Variants in CEP95 observed in about 807,000 individuals in gnomAD.
CEP95 encodes the protein centrosomal protein of 95 kDa.
A neutral mutation model predicts 111.2 loss-of-function variants in CEP95; 98 were observed. That is an observed-to-expected ratio of 0.88 (90% CI 0.75 to 1.04). The LOEUF (loss-of-function observed/expected upper bound fraction) is 1.04, where lower values mean the gene tolerates loss of function less well. Among genes scored for constraint, CEP95 ranks in the 50% least tolerant of loss-of-function variants. The pLI is 0.00. For missense variants in CEP95, 1,027 were observed against 977.2 expected, an observed-to-expected ratio of 1.05 and a Z score of -0.68; for synonymous variants, 323 against 327.1, an observed-to-expected ratio of 0.99 and a Z score of 0.14.
chr17:64,533,068 T>C (rs782599101), intron 15 of CEP95, 49 bp from the exon 16 acceptor site: 1 of 1,605,076 alleles, frequency 6.2e-7, no homozygotes, highest in Non-Finnish European at 8.5e-7. Context: ...TCCTTAAGAA[T>C]TTAGTGAACA....
intron 4 of CEP95, among the ~76,000 whole-genome samples, chr17:64,516,361 C>G (rs908428523): frequency 6.6e-6 from 1 of 152,292 alleles, no homozygotes; most frequent in Middle Eastern, 3.4e-3. Context: ...GCATGATTAT[C>G]TTGGAGCTTG....
In CEP95 at chr17:64,522,718, G is replaced by C. The variant is rs1280158709; in HGVS notation, c.732G>C (p.Val244=). ...TCTTACTAGCGGAAACCCTTTCTGT[G>C]AGTGGGATTCCAAATGCTAGGAAGC... ...SFVEDTETLS[V]SGIPNARKLG... Residue 244 remains valine, a synonymous_variant, in exon 8 of 20, where the codon GTG becomes GTC. Coordinates refer to ENST00000556440, the MANE Select transcript of CEP95 (RefSeq NM_138363.3). 5 of 1,612,706 alleles carry C rather than the reference G, an allele frequency of 3.1e-6. No homozygotes were observed. Among genetic ancestry groups the C allele is most frequent in the Non-Finnish European group, 3.4e-6 (4 of 1,179,406 alleles).
At chr17:64,516,408 A>G (rs2039146992) in intron 4 of CEP95, among the ~76,000 whole-genome samples, 1 of 152,202 alleles carries the variant, frequency 6.6e-6, no homozygotes, top group African/African-American at 2.4e-5. Context: ...TGTCACCTTG[A>G]TATACCTCAG....
chr17:64,537,680 G>GA lies in CEP95; in HGVS notation c.2369dup (p.Asn790LysfsTer2), dbSNP rs1555681927. On this transcript the variant is annotated frameshift_variant, in exon 20 of 20. Transcript: ENST00000556440. LOFTEE classifies it high-confidence loss of function. Reference sequence around the variant, plus strand: ...AGCAGCTGCAGGACATGATAACACAGAATGATGATGATGTTTTCTTCCGGG... The same window carrying GA: ...AGCAGCTGCAGGACATGATAACACAGAAATGATGATGATGTTTTCTTCCGGG... The GA allele has an allele frequency of 6.2e-7, 1 of 1,613,396 alleles. No homozygotes were observed. The highest frequency in any genetic ancestry group is 2.2e-5 in the East Asian group (1 of 44,858).
At position 64,507,505 on chromosome 17, in the gene CEP95, C is replaced by A. The variant is rs967495244; in HGVS notation, c.19+389C>A. Reference sequence around the variant, plus strand: ...GCTTTTGTATTGGTCTTTAAAGGAACAGCATTCTTAAGATTTATTATGCCC... The same window carrying A: ...GCTTTTGTATTGGTCTTTAAAGGAAAAGCATTCTTAAGATTTATTATGCCC... On this transcript the variant is annotated intron_variant, in intron 1 of 19. Transcript: ENST00000556440. 5.1e-6 allele frequency: 6 copies of A among 1,166,866 alleles called. No homozygotes were observed. In the South Asian group the frequency reaches 1.4e-4, roughly 27 times the overall value. The allele number at this position is 1,166,866 out of a possible 1,614,324, so 72.3% of individuals were successfully genotyped here. A position where few individuals can be genotyped will look rare whatever the true frequency, so the allele number is the denominator to read the frequency against.
At chr17:64,518,611 C>T (rs776829798) in intron 5 of CEP95, among the ~76,000 whole-genome samples, 2 of 152,168 alleles carry the variant, frequency 1.3e-5, no homozygotes, top group African/African-American at 4.8e-5. Flanking sequence ...TCGAAGAGCA[C>T]AGGCAATGCC....
Position 64,532,966 on chromosome 17 carries a change from A to C in CEP95, c.1800A>C (p.Glu600Asp). ...QIAQVEQLKK[E>D]ACRENRSKKK... ...CACAGGTTGAACAGCTTAAGAAAGA[A>C]GCATGTAGAGAAAATCGATCAAAGA... The change falls in exon 15 of 20, where the codon GAA becomes GAC. Residue 600 changes from glutamate (E) to aspartate (D), a missense_variant. Coordinates refer to ENST00000556440, the MANE Select transcript of CEP95 (RefSeq NM_138363.3). 2 of 1,613,670 alleles carry C rather than the reference A, an allele frequency of 1.2e-6. No individual in the cohort carries two copies. Among genetic ancestry groups the C allele is most frequent in the Non-Finnish European group, 1.7e-6 (2 of 1,179,776 alleles).
intron 12 of CEP95, 108 bp downstream of exon 12, chr17:64,529,535 A>G: frequency 8.7e-7 from 1 of 1,155,648 alleles, no homozygotes. Flanking sequence ...TACATTTAAT[A>G]TTCTTGAGCG....
chr17:64,525,400 C>G (rs1387793555), intron 8 of CEP95, among the ~76,000 whole-genome samples: 1 of 151,986 alleles, frequency 6.6e-6, no homozygotes, highest in Non-Finnish European at 1.5e-5. Flanking sequence ...TTAACTGTTT[C>G]AATTTTGGAC....
At chr17:64,524,124 C>T (rs1050077327) in intron 8 of CEP95, among the ~76,000 whole-genome samples, 4 of 151,986 alleles carry the variant, frequency 2.6e-5, no homozygotes, top group Non-Finnish European at 5.9e-5. Flanking sequence ...ATAATGTTTA[C>T]TTTTGGGGGA....
At chr17:64,527,577 T>C (rs1291271545) in intron 11 of CEP95, among the ~76,000 whole-genome samples, 1 of 152,200 alleles carries the variant, frequency 6.6e-6, no homozygotes, top group Non-Finnish European at 1.5e-5. Flanking sequence ...TCCTTGTTTT[T>C]ATACTTTAAG....
Position 64,534,690 on chromosome 17 carries a change from G to A in CEP95, c.2023G>A (p.Val675Ile). The A allele has an allele frequency of 6.2e-7, 1 of 1,613,146 alleles. No homozygotes were observed. The highest frequency in any genetic ancestry group is 8.5e-7 in the Non-Finnish European group (1 of 1,179,460). ...TCGAAAATATTATGATGATTATAGA[G>A]TTCAGTTGTGTGCAAAAATGATGAG... is the stretch of plus-strand genomic sequence containing the variant. ...RARKYYDDYRVQLCAKMMRMR... is the reference protein window; with the variant it reads ...RARKYYDDYRIQLCAKMMRMR... Residue 675 changes from valine to isoleucine, a missense_variant, in exon 17 of 20, where the codon GTT (valine) becomes ATT (isoleucine). Physicochemically the swap from Val to Ile is conservative, Grantham distance 29. Coordinates refer to ENST00000556440, the MANE Select transcript of CEP95 (RefSeq NM_138363.3).
At chr17:64,532,647 G>A in intron 14 of CEP95, 192 bp from the exon 15 acceptor site, 1 of 1,399,642 alleles carries the variant, frequency 7.1e-7, no homozygotes, top group Non-Finnish European at 9.2e-7. Flanking sequence ...GAACTATTGA[G>A]CTTATTTTTA....
chr17:64,522,358 G>A (rs908215380), intron 7 of CEP95, among the ~76,000 whole-genome samples: 3 of 151,620 alleles, frequency 2.0e-5, no homozygotes, highest in African/African-American at 4.9e-5. Context: ...AATTACATCC[G>A]GGGCCAGTCA....
intron 13 of CEP95, among the ~76,000 whole-genome samples, chr17:64,531,554 C>T (rs1968281711): frequency 6.6e-6 from 1 of 151,876 alleles, no homozygotes; most frequent in Non-Finnish European, 1.5e-5. Context: ...TTTAAATCTA[C>T]ATGGAAAAAG....
chr17:64,527,479 A>G (rs1967906804), intron 11 of CEP95, among the ~76,000 whole-genome samples: 2 of 152,192 alleles, frequency 1.3e-5, no homozygotes, highest in Admixed American at 1.3e-4. Flanking sequence ...GAAATAAAAC[A>G]GTAGAAACCC....
intron 1 of CEP95, chr17:64,508,158 A>T: frequency 1.0e-6 from 1 of 985,440 alleles, no homozygotes; most frequent in Non-Finnish European, 1.2e-6. Context: ...TTGGGTAAAC[A>T]CAAGACCAAT....
At chr17:64,507,307 G>A in intron 1 of CEP95, 191 bp downstream of exon 1, 2 of 1,454,486 alleles carry the variant, frequency 1.4e-6, no homozygotes, top group Non-Finnish European at 1.8e-6. Flanking sequence ...CCGTGGAACA[G>A]CAGTATGCTG....
At position 64,508,172 on chromosome 17, in the gene CEP95, A is replaced by G. The variant is rs1366376279; in HGVS notation, c.20-420A>G. The G allele has an allele frequency of 8.1e-6, 8 of 985,284 alleles. No individual in the cohort carries two copies. In the African/African-American group the frequency reaches 1.2e-4, roughly 15 times the overall value. The allele number at this position is 985,284 out of a possible 1,614,324, so 61.0% of individuals were successfully genotyped here. On this transcript the variant is annotated intron_variant, in intron 1 of 19. Coordinates refer to ENST00000556440, the MANE Select transcript of CEP95 (RefSeq NM_138363.3). Reference sequence around the variant, plus strand: ...ATTGGGTAAACACAAGACCAATACTATTGCAAGTGCGAAGCAGCCTCCATT... The same window carrying G: ...ATTGGGTAAACACAAGACCAATACTGTTGCAAGTGCGAAGCAGCCTCCATT...
Sources: allele counts gnomAD v4.1 joint callset (sites outside exome capture counted in the v4.1 genomes callset), GRCh38; gene constraint gnomAD v4.1.1; transcripts MANE v1.5; gene names NCBI Gene and HGNC (gene_info 2026-07-23, HGNC 2026-07-21).